Variants in MKLN1 observed in about 807,000 individuals in gnomAD.
MKLN1 encodes muskelin 1, also known as muskelin.
A neutral mutation model predicts 99.0 loss-of-function variants in MKLN1; 18 were observed. That is an observed-to-expected ratio of 0.18 (90% confidence interval 0.13 to 0.27). The LOEUF is 0.27. Among genes scored for constraint, MKLN1 ranks in the 10% least tolerant of loss-of-function variants. MKLN1 has a pLI of 1.00. For missense variants in MKLN1, 621 were observed against 875.9 expected (o/e 0.71, Z 3.67); for synonymous variants, 288 against 293.2 (o/e 0.98, Z 0.18).
rs183229520 is a variant in MKLN1 at position 131,444,546 on chromosome 7, A to T, written c.1395+844A>T. 1.1e-4 allele frequency among the ~76,000 whole-genome samples: 16 copies of T among 151,992 alleles called. No individual in the cohort carries two copies. In the East Asian group the frequency reaches 2.9e-3, roughly 28 times the overall value. On this transcript the variant is annotated intron_variant, in intron 11 of 17. Transcript: ENST00000352689. ...CTGATATGTCTGATTCAAATAAAAT[A>T]TTTTTTATCTTAATGTCTTCTATTT...
chr7:131,308,142 A>G lies in MKLN1; in HGVS notation c.-178-67282A>G, dbSNP rs1394453540. On this transcript the variant is annotated intron_variant, in intron 3 of 7. Transcript: ENST00000416992. ...TCTCTCTCCTCCTGCCTTGTGAAAA[A>G]GGTACTTGCTTCTCCTTTGCCTTCT... Among the ~76,000 whole-genome samples, 5 of 152,146 alleles carry G rather than the reference A, an allele frequency of 3.3e-5. No homozygotes were observed. The East Asian group carries it at 9.6e-4, about 29-fold the overall frequency.
At chr7:131,251,639 G>A in intron 3 of MKLN1, among the ~76,000 whole-genome samples, 1 of 151,526 alleles carries the variant, frequency 6.6e-6, no homozygotes, top group East Asian at 1.9e-4. Flanking sequence ...GGGCATAATT[G>A]TAAAGTGAAT....
intron 10 of MKLN1, among the ~76,000 whole-genome samples, chr7:131,441,101 A>G (rs911297576): frequency 3.1e-4 from 47 of 152,196 alleles, no homozygotes; most frequent in South Asian, 2.1e-4. Context: ...TCCTTCAAGT[A>G]TAATCAGTTT....
intron 1 of MKLN1, among the ~76,000 whole-genome samples, chr7:131,111,204 A>G (rs1423729534): frequency 3.3e-5 from 5 of 152,214 alleles, no homozygotes; most frequent in Non-Finnish European, 5.9e-5. Context: ...GACTGTCTCA[A>G]AAGCACATGC....
chr7:131,388,130 G>A (rs144266385), intron 3 of MKLN1, among the ~76,000 whole-genome samples: 114 of 152,266 alleles, frequency 7.5e-4, no homozygotes, highest in African/African-American at 2.6e-3. Context: ...TCGCACCACT[G>A]CACTCCAGCT....
chr7:131,154,942 G>A (rs1176913040), intron 2 of MKLN1, among the ~76,000 whole-genome samples: 1 of 152,106 alleles, frequency 6.6e-6, no homozygotes, highest in Non-Finnish European at 1.5e-5. Context: ...AAGTGGCAGT[G>A]GGGGAGAGAG....
chr7:131,406,286 T>C (rs1794704343), intron 6 of MKLN1, among the ~76,000 whole-genome samples: 2 of 151,750 alleles, frequency 1.3e-5, no homozygotes, highest in South Asian at 4.1e-4. Flanking sequence ...ATAAATTTTA[T>C]TTAAATAAAG....
intron 3 of MKLN1, among the ~76,000 whole-genome samples, chr7:131,315,300 C>T (rs983632699): frequency 3.9e-5 from 6 of 152,032 alleles, no homozygotes; most frequent in East Asian, 1.9e-4. Context: ...TGCTTCACCA[C>T]GGAAGTGCAA....
chr7:131,373,331 A>T (rs1793528426), intron 1 of MKLN1, among the ~76,000 whole-genome samples: 2 of 151,988 alleles, frequency 1.3e-5, no homozygotes, highest in South Asian at 4.1e-4. Flanking sequence ...CATATGGGGT[A>T]TTTATATTTA....
At chr7:131,170,798 A>G (rs1463339757) in intron 2 of MKLN1, among the ~76,000 whole-genome samples, 1 of 152,344 alleles carries the variant, frequency 6.6e-6, no homozygotes, top group Non-Finnish European at 1.5e-5. Flanking sequence ...CCACAAACCC[A>G]CCATGTACAA....
chr7:131,127,358 A>G (rs1352581797), intron 1 of MKLN1, among the ~76,000 whole-genome samples: 1 of 152,168 alleles, frequency 6.6e-6, no homozygotes, highest in Non-Finnish European at 1.5e-5. Flanking sequence ...GAGGCATATT[A>G]TCTCATGGAG....
intron 2 of MKLN1, among the ~76,000 whole-genome samples, chr7:131,146,904 G>A (rs1168834429): frequency 6.6e-6 from 1 of 152,054 alleles, no homozygotes; most frequent in Admixed American, 6.6e-5. Flanking sequence ...GAAGACAGGT[G>A]GGCAAATCCT....
chr7:131,194,103 G>A (rs529462671), intron 2 of MKLN1, among the ~76,000 whole-genome samples: 2 of 151,160 alleles, frequency 1.3e-5, no homozygotes, highest in African/African-American at 2.4e-5. Flanking sequence ...ATCCACCTCG[G>A]CCTCTCAAAG....
chr7:131,473,161 A>G (rs1478235026), intron 16 of MKLN1, among the ~76,000 whole-genome samples: 1 of 152,264 alleles, frequency 6.6e-6, no homozygotes, highest in East Asian at 1.9e-4. Context: ...TCCTCTGGTA[A>G]CAGTTCACAT....
At chr7:131,406,486 A>T (rs774615007) in intron 6 of MKLN1, among the ~76,000 whole-genome samples, 1 of 151,910 alleles carries the variant, frequency 6.6e-6, no homozygotes, top group Non-Finnish European at 1.5e-5. Flanking sequence ...TATTGTTGTC[A>T]TTTATTTTGA....
In MKLN1 at chr7:131,489,962, A is replaced by T. The variant is rs1413333071; in HGVS notation, c.*2234A>T. 2 of 152,340 alleles carry T rather than the reference A, an allele frequency of 1.3e-5. No homozygotes were observed. Among genetic ancestry groups the T allele is most frequent in the Non-Finnish European group, 2.9e-5 (2 of 68,018 alleles). 9.4% of individuals were successfully genotyped at this position (152,340 alleles called of 1,614,324 possible). A position where few individuals can be genotyped will look rare whatever the true frequency, so the allele number is the denominator to read the frequency against. ...ATTTGCTCTTGCCAAAGTGAGATAGATGTACTGAGGAGATAATTGAAAAGT... is the reference window on the plus strand; with the variant it reads ...ATTTGCTCTTGCCAAAGTGAGATAGTTGTACTGAGGAGATAATTGAAAAGT... On this transcript the variant is annotated 3_prime_UTR_variant, in exon 18 of 18. Transcript: ENST00000352689.
At chr7:131,226,609 C>T (rs917008966) in intron 3 of MKLN1, among the ~76,000 whole-genome samples, 6 of 152,114 alleles carry the variant, frequency 3.9e-5, no homozygotes, top group Non-Finnish European at 8.8e-5. Flanking sequence ...TGTCATTTCA[C>T]TATTGGAGTT....
chr7:131,161,242 G>A (rs1202195532), intron 2 of MKLN1, among the ~76,000 whole-genome samples: 1 of 152,164 alleles, frequency 6.6e-6, no homozygotes, highest in Non-Finnish European at 1.5e-5. Flanking sequence ...TAACATCCAT[G>A]ATGATTTTGT....
rs961159146 is a variant in MKLN1 at position 131,143,067 on chromosome 7, A to C, written c.-297+126A>C. ...AGAAGATGTGACTGGAGTCCTCACT[A>C]GTCTAGTTGTTTTCACAATGTTTGA... On this transcript the variant is annotated intron_variant, in intron 2 of 7. Transcript: ENST00000416992. The C allele has an allele frequency of 2.7e-5, 14 of 514,924 alleles. No homozygotes were observed. The Admixed American group carries it at 4.8e-4, about 18-fold the overall frequency. 31.9% of individuals were successfully genotyped at this position (514,924 alleles called of 1,614,324 possible).
Sources: allele counts gnomAD v4.1 joint callset (sites outside exome capture counted in the v4.1 genomes callset), GRCh38; gene constraint gnomAD v4.1.1; transcripts MANE v1.5; gene names NCBI Gene and HGNC (gene_info 2026-07-23, HGNC 2026-07-21).